SMC6: variants seen among roughly 807,000 people sequenced by gnomAD.
The protein encoded by SMC6 is structural maintenance of chromosomes protein 6.
A neutral mutation model predicts 142.2 loss-of-function variants in SMC6; 79 were observed. The observed-to-expected ratio is 0.56, with a 90% CI of 0.46 to 0.67. The LOEUF (loss-of-function observed/expected upper bound fraction) is 0.67. SMC6 is among the 30% of genes least tolerant of loss of function. SMC6 has a pLI of 0.00. For synonymous variants in SMC6, 411 were observed against 412.4 expected (o/e 1.00, Z 0.04); for missense variants, 1,072 against 1,284.0 (o/e 0.83, Z 2.52).
chr2:17,753,075 T>C lies in SMC6; in HGVS notation c.-92-11A>G. On this transcript the variant is annotated splice_polypyrimidine_tract_variant and intron_variant, in intron 1 of 27. Transcript: ENST00000448223. The stretch of plus-strand genomic sequence containing the variant: ...TTCTCCGGTTCATTTCTGTAAGAAA[T>C]GAGGGCAGAGAAATGCCATCAGTAA... The C allele has an allele frequency of 4.2e-6, 4 of 960,106 alleles. No individual in the cohort carries two copies. The highest frequency in any genetic ancestry group is 5.0e-6 in the Non-Finnish European group (4 of 806,850). 59.5% of individuals were successfully genotyped at this position (960,106 alleles called of 1,614,324 possible). A position where few individuals can be genotyped will look rare whatever the true frequency, so the allele number is the denominator to read the frequency against.
At chr2:17,752,508 A>G (rs1000935256) in intron 2 of SMC6, among the ~76,000 whole-genome samples, 1 of 152,228 alleles carries the variant, frequency 6.6e-6, no homozygotes, top group African/African-American at 2.4e-5. Flanking sequence ...GGTGGTACCA[A>G]CCTGCTCAGA....
chr2:17,722,634 C>T (rs1315947536), intron 9 of SMC6, among the ~76,000 whole-genome samples: 1 of 152,146 alleles, frequency 6.6e-6, no homozygotes, highest in African/African-American at 2.4e-5. Flanking sequence ...CCATAGTCAT[C>T]TATGAAGATT....
chr2:17,716,012 CTTCA>C (rs151182933), intron 15 of SMC6, 70 bp downstream of exon 15: 49,609 of 1,222,340 alleles, frequency 0.041, 1,112 homozygotes, highest in East Asian at 0.051. Flanking sequence ...ATTTCGAAAA[CTTCA>C]TTCAATCGTT....
At chr2:17,725,187 A>G in intron 9 of SMC6, 70 bp downstream of exon 9, 3 of 976,582 alleles carry the variant, frequency 3.1e-6, no homozygotes, top group Non-Finnish European at 4.6e-6. Context: ...TAGTTTTACA[A>G]TATCATTTAC....
chr2:17,737,853 C>T (rs1251746820), intron 5 of SMC6, among the ~76,000 whole-genome samples: 2 of 152,208 alleles, frequency 1.3e-5, no homozygotes, highest in African/African-American at 4.8e-5. Context: ...GCTCTCCCTA[C>T]TATCGTATCA....
At chr2:17,702,071 G>T (rs1405861116) in intron 19 of SMC6, among the ~76,000 whole-genome samples, 162 bp from the exon 20 acceptor site, 4 of 152,080 alleles carry the variant, frequency 2.6e-5, no homozygotes, top group South Asian at 2.1e-4. Context: ...AGGAAATTAC[G>T]TATAAATTCT....
Position 17,741,598 on chromosome 2 carries a change from G to GA in SMC6, c.238+13dup, listed in dbSNP as rs1206961498. On this transcript the variant is annotated intron_variant, in intron 4 of 27. Coordinates refer to ENST00000448223, the MANE Select transcript of SMC6 (RefSeq NM_001142286.2). ...TACTGCTCAAAGTCAAACGAGAAGG[G>GA]AAAAAACACTTACTTCCATTGTTGC... is the stretch of plus-strand genomic sequence containing the variant. The GA allele has an allele frequency of 7.7e-6, 12 of 1,557,470 alleles. No individual in the cohort carries two copies. Among genetic ancestry groups the GA allele is most frequent in the Non-Finnish European group, 7.9e-6 (9 of 1,137,780 alleles).
Position 17,701,876 on chromosome 2 carries a change from C to A in SMC6, c.2176G>T (p.Glu726Ter). 1 of 1,580,182 alleles carries A rather than the reference C, an allele frequency of 6.3e-7. No individual in the cohort carries two copies. Among genetic ancestry groups the A allele is most frequent in the South Asian group, 1.2e-5 (1 of 85,952 alleles). Residue 726 changes from glutamate to a stop codon, truncating the protein, a stop_gained, in exon 20 of 28, where the codon GAA (glutamate) becomes TAA (stop). Coordinates refer to ENST00000448223, the MANE Select transcript of SMC6 (RefSeq NM_001142286.2). LOFTEE classifies it high-confidence loss of function. The stretch of plus-strand genomic sequence containing the variant: ...TGGTGTTCTTCTATGTTCTCAAGTT[C>A]CCGAATTTCAGAAATATTTTTTCTT... ...KIRKNISEIR[E>*]LENIEEHQSV...
intron 9 of SMC6, among the ~76,000 whole-genome samples, chr2:17,724,028 G>A (rs1297739558): frequency 6.6e-6 from 1 of 151,950 alleles, no homozygotes; most frequent in African/African-American, 2.4e-5. Flanking sequence ...ATTGTTACTG[G>A]TATACTTTGT....
chr2:17,678,896 A>G lies in SMC6; in HGVS notation c.2873T>C (p.Met958Thr). The G allele has an allele frequency of 6.2e-7, 1 of 1,612,462 alleles. No individual in the cohort carries two copies. The highest frequency in any genetic ancestry group is 8.5e-7 in the Non-Finnish European group (1 of 1,179,182). The change falls in exon 25 of 28, where the codon ATG becomes ACG. Residue 958 changes from methionine (M) to threonine (T), a missense_variant. By Grantham distance (81) the Met-to-Thr change is moderately conservative. Coordinates refer to ENST00000448223, the MANE Select transcript of SMC6 (RefSeq NM_001142286.2). The stretch of plus-strand genomic sequence containing the variant: ...AGTTTCATTCTTGTGGTCAAAATTC[A>G]TTTTTCCACAATAGGCCCGCTGAGA... ...LLSQRAYCGK[M>T]NFDHKNETLS...
chr2:17,739,794 C>G (rs189069070), intron 4 of SMC6, among the ~76,000 whole-genome samples: 2 of 149,338 alleles, frequency 1.3e-5, no homozygotes, highest in East Asian at 3.9e-4. Flanking sequence ...GCCTGGGTGA[C>G]CCGGAGAGAG....
At chr2:17,729,414 G>C (rs1193110002) in intron 7 of SMC6, among the ~76,000 whole-genome samples, 1 of 152,178 alleles carries the variant, frequency 6.6e-6, no homozygotes, top group Non-Finnish European at 1.5e-5. Context: ...AAGGAAGTGA[G>C]AGCTTACAGA....
chr2:17,725,372 CAA>C lies in SMC6; in HGVS notation c.625-16_625-15del. Reference sequence around the variant, plus strand: ...TTTCATGAAGAACTATTATCAATAACAAAAAAAAACGCAATTAGGAGTTTGTA... The same window carrying C: ...TTTCATGAAGAACTATTATCAATAACAAAAAAACGCAATTAGGAGTTTGTA... On this transcript the variant is annotated splice_polypyrimidine_tract_variant and intron_variant, in intron 8 of 27. Transcript: ENST00000448223. The C allele has an allele frequency of 1.3e-6, 2 of 1,492,176 alleles. No individual in the cohort carries two copies. The highest frequency in any genetic ancestry group is 1.3e-5 in the South Asian group (1 of 77,840). The allele number at this position is 1,492,176 out of a possible 1,614,324, so 92.4% of individuals were successfully genotyped here. A position where few individuals can be genotyped will look rare whatever the true frequency, so the allele number is the denominator to read the frequency against.
chr2:17,705,843 A>G (rs182998654), intron 18 of SMC6, among the ~76,000 whole-genome samples: 2 of 152,240 alleles, frequency 1.3e-5, no homozygotes, highest in Admixed American at 1.3e-4. Context: ...ACCTAATGAA[A>G]AATATATTAA....
At chr2:17,709,689 C>G (rs1668724679) in intron 16 of SMC6, among the ~76,000 whole-genome samples, 1 of 152,042 alleles carries the variant, frequency 6.6e-6, no homozygotes, top group Admixed American at 6.6e-5. Context: ...GTTCATGGAG[C>G]TTACATTTTT....
intron 23 of SMC6, among the ~76,000 whole-genome samples, chr2:17,685,864 C>A (rs982950289): frequency 6.6e-6 from 1 of 151,632 alleles, no homozygotes; most frequent in Non-Finnish European, 1.5e-5. Flanking sequence ...GAAAAATCTG[C>A]AATATTTGGC....
At chr2:17,669,203 A>C (rs552329083) in intron 26 of SMC6, among the ~76,000 whole-genome samples, 7 of 152,308 alleles carry the variant, frequency 4.6e-5, no homozygotes, top group Admixed American at 6.5e-5. Flanking sequence ...AGTTTGCATT[A>C]ATCAAGGTAG....
At chr2:17,732,925 C>T (rs1669980684) in intron 5 of SMC6, among the ~76,000 whole-genome samples, 1 of 151,798 alleles carries the variant, frequency 6.6e-6, no homozygotes, top group African/African-American at 2.4e-5. Flanking sequence ...AAAAAAAAAT[C>T]TTTATTTGTG....
intron 3 of SMC6, among the ~76,000 whole-genome samples, chr2:17,743,288 C>G (rs1450227858): frequency 1.3e-5 from 2 of 152,094 alleles, no homozygotes; most frequent in African/African-American, 4.8e-5. Context: ...CTATATTGAG[C>G]TGTCTAATCC....
Sources: allele counts gnomAD v4.1 joint callset (sites outside exome capture counted in the v4.1 genomes callset), GRCh38; gene constraint gnomAD v4.1.1; transcripts MANE v1.5; gene names NCBI Gene and HGNC (gene_info 2026-07-23, HGNC 2026-07-21).